Variants in SYNPO observed in about 807,000 individuals in gnomAD.
SYNPO encodes the protein synaptopodin.
A neutral mutation model predicts 49.5 loss-of-function variants in SYNPO; 19 were observed. That is an observed-to-expected ratio of 0.38 (90% confidence interval 0.27 to 0.56). SYNPO has a LOEUF of 0.56. Ranked by LOEUF, SYNPO falls within the 20% of genes least tolerant of loss-of-function variation. SYNPO has a pLI of 0.68. For missense variants in SYNPO, 1,131 were observed against 1,248.3 expected (o/e 0.91, Z 1.42); for synonymous variants, 536 against 548.0 (o/e 0.98, Z 0.31).
chr5:150,645,356 A>G (rs1460894033), intron 1 of SYNPO, among the ~76,000 whole-genome samples: 1 of 152,114 alleles, frequency 6.6e-6, no homozygotes, highest in Non-Finnish European at 1.5e-5. Flanking sequence ...GGAGAGGGGC[A>G]ATGGAGGGAG....
chr5:150,602,350 A>G (rs531429803), intron 1 of SYNPO, among the ~76,000 whole-genome samples: 8 of 152,310 alleles, frequency 5.3e-5, no homozygotes, highest in African/African-American at 1.4e-4. Flanking sequence ...AGTGTTTTCC[A>G]AAGTCTGGTG....
At chr5:150,602,997 G>GGTGT (rs3062133) in intron 1 of SYNPO, among the ~76,000 whole-genome samples, 24,525 of 130,992 alleles carry the variant, frequency 0.19, 2,290 homozygotes, top group South Asian at 0.22. Context: ...GCCACCTTAG[G>GGTGT]GTGTGTGTGT....
rs1215926441 is a variant in SYNPO at position 150,656,457 on chromosome 5, GC to G, written c.2088del (p.Ser697AlafsTer3). 2 of 1,532,288 alleles carry G rather than the reference GC, an allele frequency of 1.3e-6. No individual in the cohort carries two copies. Among genetic ancestry groups the G allele is most frequent in the South Asian group, 1.2e-5 (1 of 83,746 alleles). 94.9% of individuals were successfully genotyped at this position (1,532,288 alleles called of 1,614,324 possible). A position where few individuals can be genotyped will look rare whatever the true frequency, so the allele number is the denominator to read the frequency against. On this transcript the variant is annotated frameshift_variant, in exon 3 of 3. Transcript: ENST00000307662. LOFTEE classifies it high-confidence loss of function. ...SPPWTPGASR[P>X]PSSLDGWVSP... ...CACCCTGGACGCCGGGCGCGTCCCG[GC>G]CCCCCAGCAGCCTAGACGGCTGGGT...
At chr5:150,588,360 C>T in the SYNPO span, among the ~76,000 whole-genome samples, 1 of 152,192 alleles carries the variant, frequency 6.6e-6, no homozygotes, top group African/African-American at 2.4e-5. Flanking sequence ...CTTCCTGGAA[C>T]TTTGTCACTA....
chr5:150,649,629 T>C lies in SYNPO; in HGVS notation c.1354T>C (p.Trp452Arg), dbSNP rs1375868039. The C allele has an allele frequency of 1.2e-6, 2 of 1,608,648 alleles. No homozygotes were observed. The highest frequency in any genetic ancestry group is 1.7e-5 in the Admixed American group (1 of 59,976). ...PAAAEEVVPE[W>R]ASCLKSPRIQ... ...GGCGGCGGAGGAGGTGGTACCAGAG[T>C]GGGCCTCCTGCCTCAAGTCACCCCG... The change falls in exon 2 of 3, where the codon TGG (tryptophan) becomes CGG (arginine). Residue 452 changes from tryptophan (W) to arginine (R), a missense_variant. Around this residue, in one of 4 missense-constraint regions of SYNPO, gnomAD observed 602 missense variants for 720.7 expected, o/e 0.84. Transcript: ENST00000307662.
Position 150,657,807 on chromosome 5 carries a change from C to T in SYNPO, c.*720C>T, listed in dbSNP as rs1189066298. 2 of 152,594 alleles carry T rather than the reference C, an allele frequency of 1.3e-5. No individual in the cohort carries two copies. The highest frequency in any genetic ancestry group is 2.1e-4 in the South Asian group (1 of 4,828). 9.5% of individuals were successfully genotyped at this position (152,594 alleles called of 1,614,324 possible). On this transcript the variant is annotated 3_prime_UTR_variant, in exon 3 of 3. Coordinates refer to ENST00000307662, the MANE Select transcript of SYNPO (RefSeq NM_007286.6). Reference sequence around the variant, plus strand: ...TGGAGGGAAGAGGCAGGAAAATTCTCCCCGGGTCCCTGTCATGCTACTTTC... The same window carrying T: ...TGGAGGGAAGAGGCAGGAAAATTCTTCCCGGGTCCCTGTCATGCTACTTTC...
intron 1 of SYNPO, among the ~76,000 whole-genome samples, chr5:150,611,350 A>G (rs959061677): frequency 6.6e-6 from 1 of 152,238 alleles, no homozygotes; most frequent in African/African-American, 2.4e-5. Flanking sequence ...GAGTAAATGA[A>G]TGACTGAGTC....
intron 1 of SYNPO, among the ~76,000 whole-genome samples, chr5:150,613,256 C>A (rs529383766): frequency 6.6e-6 from 1 of 152,176 alleles, no homozygotes; most frequent in African/African-American, 2.4e-5. Context: ...TTCCCCCAAC[C>A]GTGTAGGGCT....
chr5:150,641,199 G>A (rs1757892192), intron 1 of SYNPO, among the ~76,000 whole-genome samples: 1 of 152,206 alleles, frequency 6.6e-6, no homozygotes, highest in South Asian at 2.1e-4. Flanking sequence ...CCTCCTTTCA[G>A]TGGGAGGAAT....
the SYNPO span, among the ~76,000 whole-genome samples, chr5:150,589,700 C>T: frequency 0.025 from 3,873 of 152,334 alleles, 155 homozygotes; most frequent in East Asian, 0.18. Flanking sequence ...TGGTCAGTTG[C>T]TGCTAATGCA....
chr5:150,622,398 T>A (rs1205262331), intron 2 of SYNPO, among the ~76,000 whole-genome samples: 1 of 152,172 alleles, frequency 6.6e-6, no homozygotes, highest in Non-Finnish European at 1.5e-5. Context: ...TTGTTCAGGC[T>A]CTGGGAGTTG....
chr5:150,597,635 G>A (rs902466776), upstream of SYNPO, among the ~76,000 whole-genome samples: 1 of 151,712 alleles, frequency 6.6e-6, no homozygotes, highest in African/African-American at 2.4e-5. Flanking sequence ...TGCCCAGCCA[G>A]GTTTTTCTGG....
rs748697353 is a variant in SYNPO at position 150,649,045 on chromosome 5, G to A, written c.770G>A (p.Ser257Asn). The A allele has an allele frequency of 3.1e-6, 5 of 1,614,096 alleles. No individual in the cohort carries two copies. In the East Asian group the frequency reaches 1.1e-4, roughly 36 times the overall value. ...APGGTSQMER[S>N]PMLERRHFGE... ...GGGGGCACCAGCCAGATGGAGAGGA[G>A]CCCCATGCTAGAGAGACGACATTTT... The change falls in exon 2 of 3, where the codon AGC becomes AAC. Residue 257 changes from serine (S) to asparagine (N), a missense_variant. Ser to Asn is a conservative substitution (Grantham distance 46, BLOSUM62 1). Around this residue, in one of 4 missense-constraint regions of SYNPO, gnomAD observed 602 missense variants for 720.7 expected, o/e 0.84. Coordinates refer to ENST00000307662, the MANE Select transcript of SYNPO (RefSeq NM_007286.6).
chr5:150,648,684 C>G lies in SYNPO; in HGVS notation c.409C>G (p.Leu137Val), dbSNP rs369752004. 18 of 1,614,236 alleles carry G rather than the reference C, an allele frequency of 1.1e-5. No individual in the cohort carries two copies. The highest frequency in any genetic ancestry group is 1.4e-5 in the Non-Finnish European group (17 of 1,180,050). Reference protein sequence around the residue: ...GTGPASKPSTLCADGQPQAPA... With the variant: ...GTGPASKPSTVCADGQPQAPA... ...AGGGCCTGCTTCCAAACCCAGCACC[C>G]TGTGTGCTGATGGGCAACCCCAGGC... is the stretch of plus-strand genomic sequence containing the variant. Residue 137 changes from leucine (L) to valine (V), a missense_variant, in exon 2 of 3, where the codon CTG becomes GTG. Physicochemically the swap from Leu to Val is conservative, Grantham distance 32. This residue lies in a region of SYNPO where 602 missense variants were observed against 720.7 expected (regional missense o/e 0.84). Transcript: ENST00000307662. The surrounding 1 kb of genome is among the most constrained non-coding windows in gnomAD (Gnocchi z 5.0).
intron 2 of SYNPO, among the ~76,000 whole-genome samples, chr5:150,654,979 G>A (rs1264537693): frequency 6.6e-6 from 1 of 152,140 alleles, no homozygotes; most frequent in Non-Finnish European, 1.5e-5. Flanking sequence ...TACAAAATTA[G>A]CCAGGTGTAG....
exon 2 of SYNPO, chr5:150,618,133 G>A (rs556307114): frequency 1.8e-5 from 9 of 487,282 alleles, no homozygotes; most frequent in Non-Finnish European, 2.8e-5. Context: ...CACCAGAGAC[G>A]GGTTAAGAAG....
upstream of SYNPO, among the ~76,000 whole-genome samples, chr5:150,599,058 C>G (rs561487569): frequency 6.6e-6 from 1 of 152,320 alleles, no homozygotes; most frequent in African/African-American, 2.4e-5. Flanking sequence ...CAGGTTACAC[C>G]GAGGGCCACC....
chr5:150,598,609 A>G (rs979796270), upstream of SYNPO, among the ~76,000 whole-genome samples: 5 of 152,124 alleles, frequency 3.3e-5, no homozygotes, highest in African/African-American at 1.2e-4. Context: ...TAGTATCCAG[A>G]TAAGTATCCA....
upstream of SYNPO, among the ~76,000 whole-genome samples, chr5:150,598,273 AGGG>A (rs939211080): frequency 1.3e-5 from 2 of 152,178 alleles, no homozygotes; most frequent in Admixed American, 1.3e-4. Flanking sequence ...GCCCTGCTGC[AGGG>A]GGAAAGAAAA....
Sources: allele counts gnomAD v4.1 joint callset (sites outside exome capture counted in the v4.1 genomes callset), GRCh38; gene constraint gnomAD v4.1.1; regional missense constraint gnomAD v4.1.1; non-coding constraint Gnocchi (gnomAD v3.1); transcripts MANE v1.5; gene names NCBI Gene and HGNC (gene_info 2026-07-23, HGNC 2026-07-21).